The following RASGRF1 variants were observed in gnomAD, a reference collection of about 807,000 sequenced individuals.
RASGRF1 encodes Ras protein specific guanine nucleotide releasing factor 1.
In RASGRF1, 40 loss-of-function variants were observed where a neutral mutation model predicts 138.7. The ratio of observed to expected loss-of-function variants is 0.29; its 90% CI spans 0.22 to 0.38. The LOEUF is 0.38. Ranked by LOEUF, RASGRF1 falls within the 10% of genes least tolerant of loss-of-function variation. The pLI is 1.00. For missense variants in RASGRF1, 1,108 were observed against 1,650.4 expected, an observed-to-expected ratio of 0.67 and a Z score of 5.69; for synonymous variants, 614 against 663.2, an observed-to-expected ratio of 0.93 and a Z score of 1.14.
intron 12 of RASGRF1, among the ~76,000 whole-genome samples, chr15:79,016,752 G>T (rs1470145180): frequency 6.6e-6 from 1 of 152,356 alleles, no homozygotes; most frequent in East Asian, 1.9e-4. Flanking sequence ...GGGCAGGTGG[G>T]CCAGAAGGAA....
chr15:79,082,986 C>G (rs979056028), intron 1 of RASGRF1, among the ~76,000 whole-genome samples: 2 of 152,150 alleles, frequency 1.3e-5, no homozygotes, highest in African/African-American at 4.8e-5. Context: ...TTGCGCTGTG[C>G]TAGGGCTTTC....
intron 26 of RASGRF1, among the ~76,000 whole-genome samples, chr15:78,966,791 C>T (rs1053420637): frequency 3.9e-5 from 6 of 152,150 alleles, no homozygotes; most frequent in East Asian, 3.9e-4. Context: ...CCATTAGCCA[C>T]GTGTAGCTAC....
In RASGRF1 at chr15:78,994,928, T is replaced by C. The variant is rs1321666974; in HGVS notation, c.3027+812A>G. Among the ~76,000 whole-genome samples the C allele has an allele frequency of 4.7e-4, 58 of 122,520 alleles. 4 individuals carry two copies. The highest frequency in any genetic ancestry group is 5.1e-4 in the African/African-American group (14 of 27,252). 80.4% of individuals were successfully genotyped at this position (122,520 alleles called of 152,430 possible). ...AGGGAGCACAACCCTTCCAGCACCTTTTTTTTTTTTTTTTTTGAGATGGGG... is the reference window on the plus strand; with the variant it reads ...AGGGAGCACAACCCTTCCAGCACCTCTTTTTTTTTTTTTTTTGAGATGGGG... On this transcript the variant is annotated intron_variant, in intron 20 of 26. Coordinates refer to ENST00000558480, the MANE Select transcript of RASGRF1 (RefSeq NM_001145648.3).
rs751631662 is a variant in RASGRF1 at position 79,090,472 on chromosome 15, A to T, written c.27T>A (p.Asp9Glu). 6.2e-7 allele frequency: 1 copy of T among 1,612,800 alleles called. No individual in the cohort carries two copies. The highest frequency in any genetic ancestry group is 8.5e-7 in the Non-Finnish European group (1 of 1,179,942). ...GCAGTCCCAGGGACGCGACGTGGCCATCATTCAGCCGGATCCCCTTCTGCA... is the reference window on the plus strand; with the variant it reads ...GCAGTCCCAGGGACGCGACGTGGCCTTCATTCAGCCGGATCCCCTTCTGCA... MQKGIRLNDGHVASLGLLA... is the reference protein window; with the variant it reads MQKGIRLNEGHVASLGLLA... Residue 9 changes from aspartate (D) to glutamate (E), a missense_variant, in exon 1 of 27, where the codon GAT becomes GAA. Asp to Glu is a conservative substitution (Grantham distance 45, BLOSUM62 2). This residue lies in a region of RASGRF1 where 253 missense variants were observed against 329.5 expected (regional missense o/e 0.77). Coordinates refer to ENST00000558480, the MANE Select transcript of RASGRF1 (RefSeq NM_001145648.3).
intron 1 of RASGRF1, among the ~76,000 whole-genome samples, chr15:79,089,534 C>CGTCCCG (rs1313995873): frequency 1.3e-5 from 2 of 152,246 alleles, no homozygotes; most frequent in Non-Finnish European, 2.9e-5. Context: ...GCGCCCACTT[C>CGTCCCG]GTCCCGCTGC....
rs369644955 is a variant in RASGRF1 at position 79,011,425 on chromosome 15, T to C, written c.1826+3902A>G. Among the ~76,000 whole-genome samples, 12 of 152,150 alleles carry C rather than the reference T, an allele frequency of 7.9e-5. No homozygotes were observed. The East Asian group carries it at 2.3e-3, about 29-fold the overall frequency. ...GAAGGGACAGAGGGACCAATGGCAC[T>C]AAATAGCCAAATATTGATGCTATGC... On this transcript the variant is annotated intron_variant, in intron 13 of 26. Transcript: ENST00000558480.
chr15:79,041,044 C>T (rs1342683681), intron 5 of RASGRF1, among the ~76,000 whole-genome samples: 1 of 152,234 alleles, frequency 6.6e-6, no homozygotes, highest in Non-Finnish European at 1.5e-5. Context: ...TTCTAGTAGG[C>T]ACCATTCACA....
chr15:78,965,708 G>A (rs905419598), intron 26 of RASGRF1, among the ~76,000 whole-genome samples: 1 of 152,066 alleles, frequency 6.6e-6, no homozygotes, highest in Non-Finnish European at 1.5e-5. Context: ...AAAATTAGTC[G>A]GGCGTGGTGG....
At chr15:79,081,570 C>T (rs1311825252) in intron 1 of RASGRF1, among the ~76,000 whole-genome samples, 2 of 152,150 alleles carry the variant, frequency 1.3e-5, no homozygotes, top group Non-Finnish European at 2.9e-5. Flanking sequence ...TCCCCTGCAA[C>T]CTATATGCCC....
rs2056673345 is a variant in RASGRF1 at position 79,006,318 on chromosome 15, G to A, written c.1943C>T (p.Thr648Met). ...ASVERLLERLTDLRFLSIDFL... is the reference protein window; with the variant it reads ...ASVERLLERLMDLRFLSIDFL... ...GTCGATGCTCAGGAAGCGCAGGTCC[G>A]TCAGCCTCTCCAGCAGCCGCTCCAC... The change falls in exon 14 of 27, where the codon ACG becomes ATG. Residue 648 changes from threonine (T) to methionine (M), a missense_variant. Transcript: ENST00000558480. This position sits in a 1 kb window ranked among gnomAD's most constrained non-coding sequence, Gnocchi z 4.0. 6 of 1,614,210 alleles carry A rather than the reference G, an allele frequency of 3.7e-6. No homozygotes were observed. Among genetic ancestry groups the A allele is most frequent in the Admixed American group, 1.7e-5 (1 of 60,022 alleles).
chr15:79,027,734 G>A lies in RASGRF1; in HGVS notation c.1381+7C>T. 3 of 1,613,316 alleles carry A rather than the reference G, an allele frequency of 1.9e-6. No homozygotes were observed. Among genetic ancestry groups the A allele is most frequent in the Non-Finnish European group, 2.5e-6 (3 of 1,179,242 alleles). ...GGGGCAGGGGAGACAGGGTGCAGAG[G>A]CCATACCTTGTCTCACAAAGGTCTG... On this transcript the variant is annotated splice_region_variant and intron_variant, in intron 9 of 26. Transcript: ENST00000558480. This position sits in a 1 kb window ranked among gnomAD's most constrained non-coding sequence, Gnocchi z 4.8.
At chr15:78,975,518 T>A (rs989703443) in intron 24 of RASGRF1, among the ~76,000 whole-genome samples, 8 of 148,856 alleles carry the variant, frequency 5.4e-5, no homozygotes, top group African/African-American at 1.7e-4. Flanking sequence ...TCTTTTTCTT[T>A]TTTTTTTTTT....
chr15:79,030,523 C>T (rs569288482), intron 8 of RASGRF1, among the ~76,000 whole-genome samples: 2 of 151,996 alleles, frequency 1.3e-5, no homozygotes, highest in Non-Finnish European at 2.9e-5. Context: ...ACTCAAATTC[C>T]CCAGTCCCTT....
At chr15:78,978,763 A>G (rs1051132254) in intron 24 of RASGRF1, 3 of 1,118,722 alleles carry the variant, frequency 2.7e-6, no homozygotes, top group African/African-American at 1.6e-5. Flanking sequence ...GGGGTGCGGG[A>G]AGCATTTGCC....
In RASGRF1 at chr15:78,971,888, T is replaced by C. The variant is rs2055768352; in HGVS notation, c.3659A>G (p.Tyr1220Cys). The change falls in exon 26 of 27, where the codon TAC becomes TGC. Residue 1220 changes from tyrosine (Y) to cysteine (C), a missense_variant. Tyr to Cys is a radical substitution (Grantham distance 194). This residue lies in a region of RASGRF1 where 686 missense variants were observed against 976.7 expected (regional missense o/e 0.70). Transcript: ENST00000558480. The stretch of plus-strand genomic sequence containing the variant: ...TACCTTTGCTTGGTGCTCTATTTTG[T>C]AGGCAGTTTGTTGAAACTGGCGAAT... ...REIRQFQQTA[Y>C]KIEHQAKVTQ... 1 of 1,588,550 alleles carries C rather than the reference T, an allele frequency of 6.3e-7. No homozygotes were observed. Among genetic ancestry groups the C allele is most frequent in the Non-Finnish European group, 8.6e-7 (1 of 1,156,664 alleles).
At chr15:79,052,038 C>T (rs1185854981) in intron 3 of RASGRF1, among the ~76,000 whole-genome samples, 2 of 152,176 alleles carry the variant, frequency 1.3e-5, no homozygotes, top group Admixed American at 6.5e-5. Context: ...AGTTGACCCT[C>T]GTGAATTACA....
intron 8 of RASGRF1, 21 bp downstream of exon 8, chr15:79,031,379 C>T: frequency 3.9e-6 from 6 of 1,552,738 alleles, no homozygotes; most frequent in Non-Finnish European, 5.3e-6. Context: ...CGGTCTGGTG[C>T]ACTGAAGAGC....
intron 13 of RASGRF1, among the ~76,000 whole-genome samples, chr15:79,008,380 CA>C (rs917982435): frequency 6.6e-6 from 1 of 152,156 alleles, no homozygotes; most frequent in Non-Finnish European, 1.5e-5. Flanking sequence ...TACTGCAGTT[CA>C]AAAAGAGAGC....
intron 5 of RASGRF1, among the ~76,000 whole-genome samples, chr15:79,036,007 A>AC (rs1374217827): frequency 7.2e-5 from 11 of 152,326 alleles, no homozygotes; most frequent in Non-Finnish European, 1.3e-4. Context: ...ACAGGCAGCC[A>AC]CATTTGCCCG....
Sources: allele counts gnomAD v4.1 joint callset (sites outside exome capture counted in the v4.1 genomes callset), GRCh38; gene constraint gnomAD v4.1.1; regional missense constraint gnomAD v4.1.1; non-coding constraint Gnocchi (gnomAD v3.1); transcripts MANE v1.5; gene names NCBI Gene and HGNC (gene_info 2026-07-23, HGNC 2026-07-21).